The following SBNO1 variants were observed in gnomAD, a reference collection of about 807,000 sequenced individuals.
The protein encoded by SBNO1 is protein strawberry notch homolog 1.
Under a neutral mutation model 173.6 loss-of-function variants are expected in SBNO1, and 23 were observed. The observed-to-expected ratio is 0.13, with a 90% CI of 0.10 to 0.19. The LOEUF (loss-of-function observed/expected upper bound fraction) is 0.19, where lower values mean the gene tolerates loss of function less well. Among genes scored for constraint, SBNO1 ranks in the 10% least tolerant of loss-of-function variants. The probability of loss-of-function intolerance (pLI) is 1.00; values close to 1 mark genes in which losing one functional copy is unlikely to be tolerated. For synonymous variants in SBNO1, 632 were observed against 571.5 expected, an observed-to-expected ratio of 1.11 and a Z score of -1.51; for missense variants, 1,238 against 1,671.2, an observed-to-expected ratio of 0.74 and a Z score of 4.52.
chr12:123,345,442 CTTAGTTAAAGTGA>C lies in SBNO1; in HGVS notation c.353_365del (p.Ile118SerfsTer22). The C allele has an allele frequency of 6.2e-7, 1 of 1,614,154 alleles. No individual in the cohort carries two copies. Among genetic ancestry groups the C allele is most frequent in the South Asian group, 1.1e-5 (1 of 91,088 alleles). On this transcript the variant is annotated frameshift_variant, in exon 4 of 32. Transcript: ENST00000602398. LOFTEE classifies it high-confidence loss of function. ...GTGTGCTTGCAGTAGTCTGGATAAA[CTTAGTTAAAGTGA>C]TGGTTTGCCTGTTGGTTGTTACAGG...
At chr12:123,315,207 C>T (rs1188334884) in intron 23 of SBNO1, among the ~76,000 whole-genome samples, 166 bp downstream of exon 23, 2 of 152,154 alleles carry the variant, frequency 1.3e-5, no homozygotes, top group African/African-American at 2.4e-5. Context: ...ACTTAACATG[C>T]GATCTAACAT....
chr12:123,337,385 A>G (rs1256024421), intron 5 of SBNO1, among the ~76,000 whole-genome samples: 1 of 152,204 alleles, frequency 6.6e-6, no homozygotes, highest in Non-Finnish European at 1.5e-5. Flanking sequence ...ATATAAAGAA[A>G]CTGTTGTGAA....
At chr12:123,326,407 A>C in intron 13 of SBNO1, 73 bp from the exon 14 acceptor site, 6 of 967,476 alleles carry the variant, frequency 6.2e-6, no homozygotes, top group Non-Finnish European at 8.9e-6. Context: ...AATTAAATCA[A>C]AACAATGTTA....
chr12:123,345,436 G>A lies in SBNO1; in HGVS notation c.372C>T (p.Ile124=). The change falls in exon 4 of 32, where the codon ATC becomes ATT. Residue 124 remains isoleucine (I), a synonymous_variant. Coordinates refer to ENST00000602398, the MANE Select transcript of SBNO1 (RefSeq NM_001167856.3). ...NRQTITLTKF[I]QTTASTRPSV... ...ACGGGCGTGTGCTTGCAGTAGTCTGGATAAACTTAGTTAAAGTGATGGTTT... is the reference window on the plus strand; with the variant it reads ...ACGGGCGTGTGCTTGCAGTAGTCTGAATAAACTTAGTTAAAGTGATGGTTT... 2 of 1,614,178 alleles carry A rather than the reference G, an allele frequency of 1.2e-6. No individual in the cohort carries two copies. Among genetic ancestry groups the A allele is most frequent in the Non-Finnish European group, 1.7e-6 (2 of 1,180,034 alleles).
At chr12:123,312,320 G>A (rs942932643) in intron 24 of SBNO1, among the ~76,000 whole-genome samples, 1 of 152,162 alleles carries the variant, frequency 6.6e-6, no homozygotes, top group Non-Finnish European at 1.5e-5. Context: ...GTTGAAAGCC[G>A]AGAGTAATGA....
chr12:123,307,036 A>AAT (rs2138905706), intron 28 of SBNO1, among the ~76,000 whole-genome samples: 1 of 150,024 alleles, frequency 6.7e-6, no homozygotes, highest in East Asian at 2.0e-4. Flanking sequence ...AAAAAAAAAA[A>AAT]AAAAAAGCCA....
intron 4 of SBNO1, 44 bp downstream of exon 4, chr12:123,345,214 G>C (rs769570775): frequency 1.3e-6 from 2 of 1,506,110 alleles, no homozygotes; most frequent in South Asian, 1.2e-5. Flanking sequence ...TGCTGACATA[G>C]CTTACCAGAG....
intron 18 of SBNO1, 39 bp from the exon 19 acceptor site, chr12:123,320,646 T>A (rs746606405): frequency 6.3e-7 from 1 of 1,599,414 alleles, no homozygotes; most frequent in East Asian, 2.2e-5. Flanking sequence ...GTACAAAGTT[T>A]AAATATTTTT....
intron 1 of SBNO1, 28 bp from the exon 2 acceptor site, chr12:123,350,469 A>G (rs1035938786): frequency 6.5e-7 from 1 of 1,549,526 alleles, no homozygotes; most frequent in Non-Finnish European, 8.9e-7. Context: ...AAATATTAAC[A>G]TAAAAAACAA....
chr12:123,340,581 CAAAAAAAAAAAAAAAA>C (rs752794679), intron 5 of SBNO1, among the ~76,000 whole-genome samples: 1 of 46,818 alleles, frequency 2.1e-5, no homozygotes, highest in Non-Finnish European at 4.0e-5. Context: ...GACTCTGTCT[CAAAAAAAAAAAAAAAA>C]AAAAAAAAGA....
At chr12:123,317,557 C>A (rs1051599854) in intron 20 of SBNO1, among the ~76,000 whole-genome samples, 1 of 152,126 alleles carries the variant, frequency 6.6e-6, no homozygotes, top group African/African-American at 2.4e-5. Context: ...GTATGATGCA[C>A]AGGAAATGTC....
rs1485396912 is a variant in SBNO1 at position 123,307,820 on chromosome 12, C to T, written c.3630+1490G>A. 3.3e-5 allele frequency among the ~76,000 whole-genome samples: 5 copies of T among 152,178 alleles called. 1 individual carries two copies. The highest frequency in any genetic ancestry group is 2.0e-4 in the Admixed American group (3 of 15,286). On this transcript the variant is annotated intron_variant, in intron 28 of 31. Transcript: ENST00000602398. ...GGCGCGGTGGCTCATGCCTGTAATC[C>T]CAGCACTTTGGGAGGCCAAGGCAGG... is the stretch of plus-strand genomic sequence containing the variant.
At position 123,290,070 on chromosome 12, in the gene SBNO1, C is replaced by G. The variant is rs1264988043; in HGVS notation, c.*5838G>C. The G allele has an allele frequency of 2.6e-5, 4 of 152,284 alleles. No individual in the cohort carries two copies. The highest frequency in any genetic ancestry group is 7.2e-5 in the African/African-American group (3 of 41,468). The allele number at this position is 152,284 out of a possible 1,614,324, so 9.4% of individuals were successfully genotyped here. A position where few individuals can be genotyped will look rare whatever the true frequency, so the allele number is the denominator to read the frequency against. ...AAGAACCCGCCTTTTTGGGCTTCTT[C>G]TTTTCCTTGCTTAGCCCTGCACTAA... On this transcript the variant is annotated 3_prime_UTR_variant, in exon 32 of 32. Transcript: ENST00000602398.
intron 1 of SBNO1, among the ~76,000 whole-genome samples, chr12:123,357,844 C>T (rs1459184965): frequency 1.3e-5 from 2 of 152,194 alleles, no homozygotes; most frequent in African/African-American, 4.8e-5. Context: ...GTAACCCCCA[C>T]TGCAAAACCT....
intron 16 of SBNO1, among the ~76,000 whole-genome samples, chr12:123,322,545 G>T (rs1870106163): frequency 6.6e-6 from 1 of 151,888 alleles, no homozygotes. Flanking sequence ...TGATCCGCCT[G>T]TTTCAACTCC....
In SBNO1 at chr12:123,360,579, G is replaced by T. The variant is rs577412086; in HGVS notation, c.-1+4122C>A. Among the ~76,000 whole-genome samples the T allele has an allele frequency of 9.2e-5, 14 of 151,774 alleles. No homozygotes were observed. In the South Asian group the frequency reaches 2.5e-3, roughly 27 times the overall value. On this transcript the variant is annotated intron_variant, in intron 1 of 31. Coordinates refer to ENST00000602398, the MANE Select transcript of SBNO1 (RefSeq NM_001167856.3). ...CCTGCCTAAGCCTCCAGAGTAGCTG[G>T]GATTATAGGTGCGGATCACCACGCC...
At position 123,338,919 on chromosome 12, in the gene SBNO1, CCCCCCT is replaced by C. The variant is rs1248758324; in HGVS notation, c.651+2063_651+2068del. On this transcript the variant is annotated intron_variant, in intron 5 of 31. Coordinates refer to ENST00000602398, the MANE Select transcript of SBNO1 (RefSeq NM_001167856.3). ...ACACACACACACACACACGCCCCCC[CCCCCCT>C]CCCCGACTAGTTTGGTTGATGGGCT... is the stretch of plus-strand genomic sequence containing the variant. 1.3e-3 allele frequency among the ~76,000 whole-genome samples: 22 copies of C among 16,962 alleles called. 2 individuals carry two copies. Among genetic ancestry groups the C allele is most frequent in the Admixed American group, 4.8e-3 (6 of 1,256 alleles). 11.1% of individuals were successfully genotyped at this position (16,962 alleles called of 152,430 possible). A position where few individuals can be genotyped will look rare whatever the true frequency, so the allele number is the denominator to read the frequency against.
At chr12:123,330,898 C>G (rs1008203659) in intron 8 of SBNO1, among the ~76,000 whole-genome samples, 1 of 152,180 alleles carries the variant, frequency 6.6e-6, no homozygotes, top group Non-Finnish European at 1.5e-5. Flanking sequence ...GCACTCCAGC[C>G]TGGGTGACAA....
In SBNO1 at chr12:123,325,806, T is replaced by C. The variant is rs558986449; in HGVS notation, c.1876-207A>G. Among the ~76,000 whole-genome samples the C allele has an allele frequency of 1.9e-4, 29 of 152,290 alleles. 1 individual carries two copies. In the South Asian group the frequency reaches 5.0e-3, roughly 26 times the overall value. On this transcript the variant is annotated intron_variant, in intron 14 of 31. Transcript: ENST00000602398. ...AGGCAGGAGATAGGATTACAGACAG[T>C]AGTAAGCATGAGTGAAGCCCCTGCC...
Sources: gnomAD v4.1 joint callset for allele counts (sites outside exome capture counted in the v4.1 genomes callset) on GRCh38, gnomAD v4.1.1 for gene constraint, MANE v1.5 for transcripts, NCBI Gene and HGNC (gene_info 2026-07-23, HGNC 2026-07-21) for gene names.